Variants in WNK1 observed in about 807,000 individuals in gnomAD.
The protein encoded by WNK1 is WNK lysine deficient protein kinase 1, also known as serine/threonine-protein kinase WNK1.
Under a neutral mutation model 222.8 loss-of-function variants are expected in WNK1, and 38 were observed. The ratio of observed to expected loss-of-function variants is 0.17; its 90% CI spans 0.13 to 0.22. The LOEUF (loss-of-function observed/expected upper bound fraction) is 0.22. WNK1 is among the 10% of genes least tolerant of loss of function. WNK1 has a pLI of 1.00. For missense variants in WNK1, 2,348 were observed against 2,918.4 expected, an observed-to-expected ratio of 0.80 and a Z score of 4.50; for synonymous variants, 1,090 against 1,092.9, an observed-to-expected ratio of 1.00 and a Z score of 0.05.
At chr12:894,754 T>A in intron 23 of WNK1, 119 bp downstream of exon 23, 1 of 863,292 alleles carries the variant, frequency 1.2e-6, no homozygotes, top group Non-Finnish European at 2.0e-6. Flanking sequence ...TGTCACATAG[T>A]ACTTTATAGC....
chr12:794,134 A>G (rs1945093267), intron 1 of WNK1, among the ~76,000 whole-genome samples: 1 of 152,278 alleles, frequency 6.6e-6, no homozygotes, highest in South Asian at 2.1e-4. Flanking sequence ...GATTGTATGG[A>G]GATACCATTG....
intron 9 of WNK1, among the ~76,000 whole-genome samples, chr12:874,788 G>A (rs962357151): frequency 6.6e-6 from 1 of 152,038 alleles, no homozygotes; most frequent in African/African-American, 2.4e-5. Flanking sequence ...GAGAAGGTGA[G>A]TAGTTTACCC....
chr12:816,881 C>G (rs1324709246), intron 2 of WNK1, among the ~76,000 whole-genome samples: 1 of 151,624 alleles, frequency 6.6e-6, no homozygotes, highest in Non-Finnish European at 1.5e-5. Context: ...AAAGTGATTA[C>G]AAACAATTAT....
At chr12:756,391 A>C (rs1940037904) in intron 1 of WNK1, among the ~76,000 whole-genome samples, 1 of 152,210 alleles carries the variant, frequency 6.6e-6, no homozygotes, top group African/African-American at 2.4e-5. Context: ...CAAGCTTCTC[A>C]GGTTTTCTTA....
At chr12:774,658 A>G (rs1281514038) in intron 1 of WNK1, among the ~76,000 whole-genome samples, 2 of 152,196 alleles carry the variant, frequency 1.3e-5, no homozygotes, top group African/African-American at 2.4e-5. Context: ...CTTTCTATTC[A>G]TTGTAAGATT....
Position 754,147 on chromosome 12 carries a change from G to A in WNK1, c.582G>A (p.Gln194=), listed in dbSNP as rs1352309771. ...GSGGGSAKEP[Q]EERSQQQDDI... The stretch of plus-strand genomic sequence containing the variant: ...GCGGCGGCAGCGCCAAGGAGCCACA[G>A]GAGGAACGGAGCCAGCAGCAGGATG... The change falls in exon 1 of 28, where the codon CAG becomes CAA. Residue 194 remains glutamine, a synonymous_variant. Coordinates refer to ENST00000315939, the MANE Select transcript of WNK1 (RefSeq NM_018979.4). The A allele has an allele frequency of 1.2e-6, 2 of 1,612,770 alleles. No homozygotes were observed. Among genetic ancestry groups the A allele is most frequent in the African/African-American group, 2.7e-5 (2 of 74,956 alleles).
chr12:893,082 C>A (rs1052344010), intron 22 of WNK1, among the ~76,000 whole-genome samples: 7 of 152,084 alleles, frequency 4.6e-5, no homozygotes, highest in Non-Finnish European at 8.8e-5. Flanking sequence ...TAGTGAGACC[C>A]CCATCTCTGC....
rs1953364879 is a variant in WNK1, at chr12:883,505, A to G, written c.3600A>G (p.Pro1200=). 2 of 1,614,104 alleles carry G rather than the reference A, an allele frequency of 1.2e-6. No individual in the cohort carries two copies. Among genetic ancestry groups the G allele is most frequent in the African/African-American group, 1.3e-5 (1 of 74,946 alleles). Residue 1200 remains proline, a synonymous_variant, in exon 16 of 28, where the codon CCA becomes CCG. Transcript: ENST00000315939. ...EMLSEDVSVE[P]EGDQGLESLQ... ...TCAGTGAGGATGTCAGTGTGGAACC[A>G]GAGGGTGATCAGGGATTGGAGAGTC...
chr12:890,372 G>T, intron 21 of WNK1, 81 bp from the exon 22 acceptor site: 3 of 1,417,844 alleles, frequency 2.1e-6, no homozygotes, highest in Non-Finnish European at 3.0e-6. Context: ...CTTTTACAAA[G>T]ACCATAGGAA....
At chr12:871,106 C>A (rs1237795577) in intron 8 of WNK1, among the ~76,000 whole-genome samples, 159 bp from the exon 9 acceptor site, 5 of 152,166 alleles carry the variant, frequency 3.3e-5, no homozygotes, top group Non-Finnish European at 5.9e-5. Context: ...ATTTTTCTTA[C>A]AAAAGTTGAC....
Position 753,781 on chromosome 12 carries a change from T to C in WNK1, c.216T>C (p.Thr72=), listed in dbSNP as rs775823660. 61 of 1,612,414 alleles carry C rather than the reference T, an allele frequency of 3.8e-5. No homozygotes were observed. In the South Asian group the frequency reaches 6.6e-4, roughly 17 times the overall value. Reference sequence around the variant, plus strand: ...ACAGCCGTGGGGCGGCCGCGACCACTACCACCACTGAGCACCGCTTCTTCC... The same window carrying C: ...ACAGCCGTGGGGCGGCCGCGACCACCACCACCACTGAGCACCGCTTCTTCC... ...DKDSRGAAAT[T]TTTEHRFFRR... Residue 72 remains threonine, a synonymous_variant, in exon 1 of 28, where the codon ACT becomes ACC. Coordinates refer to ENST00000315939, the MANE Select transcript of WNK1 (RefSeq NM_018979.4). The surrounding 1 kb of genome is among the most constrained non-coding windows in gnomAD (Gnocchi z 5.2).
intron 25 of WNK1, among the ~76,000 whole-genome samples, chr12:899,570 T>C (rs570243401): frequency 9.2e-5 from 14 of 152,242 alleles, no homozygotes; most frequent in African/African-American, 3.1e-4. Context: ...CATGAGCCAC[T>C]ATGCCCAGCT....
rs2154083040 is a variant in WNK1, at chr12:883,518, G to A, written c.3613G>A (p.Gly1205Arg). 1.2e-6 allele frequency: 2 copies of A among 1,614,168 alleles called. No individual in the cohort carries two copies. The highest frequency in any genetic ancestry group is 4.5e-5 in the East Asian group (2 of 44,882). Residue 1205 changes from glycine (G) to arginine (R), a missense_variant, in exon 16 of 28, where the codon GGA (glycine) becomes AGA (arginine). Gly to Arg is a moderately radical substitution (Grantham distance 125). Coordinates refer to ENST00000315939, the MANE Select transcript of WNK1 (RefSeq NM_018979.4). ...CAGTGTGGAACCAGAGGGTGATCAG[G>A]GATTGGAGAGTCTACAAGGAAAGGA... ...DVSVEPEGDQ[G>R]LESLQGKDDY...
intron 26 of WNK1, among the ~76,000 whole-genome samples, chr12:902,863 C>CA (rs1395092137): frequency 6.6e-6 from 1 of 152,172 alleles, no homozygotes; most frequent in Non-Finnish European, 1.5e-5. Context: ...TTAAAACAAA[C>CA]AAAAACATAG....
intron 4 of WNK1, chr12:851,777 A>C (rs1950438784): frequency 7.4e-7 from 1 of 1,344,088 alleles, no homozygotes. Flanking sequence ...GGATTGTATA[A>C]ATGAGGTAGG....
chr12:829,850 GAGA>G, intron 3 of WNK1, 150 bp from the exon 4 acceptor site: 1 of 755,110 alleles, frequency 1.3e-6, no homozygotes, highest in South Asian at 1.6e-5. Context: ...CAGACTGACT[GAGA>G]AGATTTCCTT....
At chr12:864,965 T>C (rs927620481) in intron 8 of WNK1, 1 of 913,684 alleles carries the variant, frequency 1.1e-6, no homozygotes, top group Non-Finnish European at 1.5e-6. Context: ...GAGTTATAGC[T>C]CTCCTCAAAA....
At chr12:805,304 C>CT (rs1555100711) in intron 1 of WNK1, among the ~76,000 whole-genome samples, 1 of 152,004 alleles carries the variant, frequency 6.6e-6, no homozygotes, top group Non-Finnish European at 1.5e-5. Context: ...CCTACTGGCC[C>CT]TTTTTTTGGG....
At chr12:765,615 C>A (rs1209203571) in intron 1 of WNK1, among the ~76,000 whole-genome samples, 1 of 119,902 alleles carries the variant, frequency 8.3e-6, no homozygotes, top group Non-Finnish European at 2.0e-5. Context: ...GATCTTGGGT[C>A]AAGTTGTGCT....
Sources: allele counts gnomAD v4.1 joint callset (sites outside exome capture counted in the v4.1 genomes callset), GRCh38; gene constraint gnomAD v4.1.1; non-coding constraint Gnocchi (gnomAD v3.1); transcripts MANE v1.5; gene names NCBI Gene and HGNC (gene_info 2026-07-23, HGNC 2026-07-21).